The following KCNMB2 variants were observed in gnomAD, a reference collection of about 807,000 sequenced individuals.
KCNMB2 encodes calcium-activated potassium channel subunit beta-2.
Under a neutral mutation model 24.5 loss-of-function variants are expected in KCNMB2, and 9 were observed. That is an observed-to-expected ratio of 0.37 (90% CI 0.22 to 0.64). The LOEUF (loss-of-function observed/expected upper bound fraction) is 0.64. Ranked by LOEUF, KCNMB2 falls within the 30% of genes least tolerant of loss-of-function variation. The pLI, the probability that KCNMB2 is intolerant of heterozygous loss-of-function variation, is 0.63. For synonymous variants in KCNMB2, 109 were observed against 104.4 expected (o/e 1.04, Z -0.27); for missense variants, 226 against 284.3 (o/e 0.79, Z 1.47).
At chr3:178,696,445 C>T (rs745346061) in intron 1 of KCNMB2, among the ~76,000 whole-genome samples, 9 of 152,050 alleles carry the variant, frequency 5.9e-5, no homozygotes, top group East Asian at 1.9e-4. Context: ...TGGTAATATC[C>T]GCCTTGTCAT....
chr3:178,624,099 G>C (rs1442296397), intron 1 of KCNMB2, among the ~76,000 whole-genome samples: 1 of 152,120 alleles, frequency 6.6e-6, no homozygotes, highest in African/African-American at 2.4e-5. Flanking sequence ...GCTAACCCAA[G>C]GCCCCTGATC....
At chr3:178,778,290 G>T (rs111466558) in intron 1 of KCNMB2, among the ~76,000 whole-genome samples, 1 of 152,000 alleles carries the variant, frequency 6.6e-6, no homozygotes, top group Non-Finnish European at 1.5e-5. Context: ...CTACTCAGTC[G>T]AATTCCTACT....
chr3:178,759,669 T>TAC (rs1711630582), intron 1 of KCNMB2, among the ~76,000 whole-genome samples: 1 of 103,792 alleles, frequency 9.6e-6, no homozygotes, highest in African/African-American at 3.4e-5. Flanking sequence ...GAGGGATATA[T>TAC]ATATATATAT....
chr3:178,620,645 C>A (rs1201999392), intron 1 of KCNMB2, among the ~76,000 whole-genome samples: 2 of 152,168 alleles, frequency 1.3e-5, no homozygotes, highest in African/African-American at 4.8e-5. Flanking sequence ...CAGGTTCCCA[C>A]CTCTTCATAC....
intron 1 of KCNMB2, among the ~76,000 whole-genome samples, chr3:178,554,760 C>A (rs1422621654): frequency 2.6e-5 from 4 of 152,204 alleles, no homozygotes; most frequent in Non-Finnish European, 4.4e-5. Context: ...GATAAACAGA[C>A]TGGAAGACAT....
intron 1 of KCNMB2, among the ~76,000 whole-genome samples, chr3:178,701,333 A>G (rs780808867): frequency 8.3e-4 from 126 of 152,308 alleles, no homozygotes; most frequent in Non-Finnish European, 1.4e-3. Flanking sequence ...TTTTGGTACC[A>G]GTACCATGCT....
At chr3:178,728,500 G>C (rs1043112204) in intron 1 of KCNMB2, among the ~76,000 whole-genome samples, 1 of 152,142 alleles carries the variant, frequency 6.6e-6, no homozygotes, top group African/African-American at 2.4e-5. Flanking sequence ...CTATTTCTAA[G>C]AGAAGTTATG....
intron 1 of KCNMB2, among the ~76,000 whole-genome samples, chr3:178,789,959 C>T (rs1713259195): frequency 6.6e-6 from 1 of 151,762 alleles, no homozygotes; most frequent in African/African-American, 2.4e-5. Flanking sequence ...ACCCCTCCCC[C>T]AAACCCAGGC....
At chr3:178,697,637 T>A (rs1461206116) in intron 1 of KCNMB2, among the ~76,000 whole-genome samples, 1 of 152,226 alleles carries the variant, frequency 6.6e-6, no homozygotes, top group African/African-American at 2.4e-5. Flanking sequence ...GTGGATTTGA[T>A]CCTGTCATCA....
chr3:178,759,636 G>A (rs1442129453), intron 1 of KCNMB2, among the ~76,000 whole-genome samples: 2 of 72,898 alleles, frequency 2.7e-5, no homozygotes, highest in African/African-American at 1.1e-4. Context: ...TCTCCAAGAG[G>A]ATATATATAT....
intron 1 of KCNMB2, among the ~76,000 whole-genome samples, chr3:178,694,872 T>C (rs1721817843): frequency 6.6e-6 from 1 of 152,118 alleles, no homozygotes; most frequent in South Asian, 2.1e-4. Context: ...AGATCTACCA[T>C]TCTGGGGTCT....
chr3:178,564,192 C>T (rs150861625), intron 1 of KCNMB2, among the ~76,000 whole-genome samples: 8 of 151,898 alleles, frequency 5.3e-5, no homozygotes, highest in Non-Finnish European at 7.4e-5. Context: ...GCAGGAGAAT[C>T]GCTTCAACCC....
intron 4 of KCNMB2, among the ~76,000 whole-genome samples, chr3:178,831,646 G>C (rs1310078330): frequency 1.2e-4 from 18 of 152,054 alleles, no homozygotes; most frequent in Admixed American, 1.2e-3. Flanking sequence ...ACTAACACAG[G>C]AACAGAAAAC....
intron 1 of KCNMB2, among the ~76,000 whole-genome samples, chr3:178,781,139 A>T (rs920757317): frequency 6.6e-6 from 1 of 152,110 alleles, no homozygotes; most frequent in Non-Finnish European, 1.5e-5. Flanking sequence ...ATATATTATT[A>T]GAATTAATTT....
chr3:178,711,172 C>A (rs574469412), intron 1 of KCNMB2, among the ~76,000 whole-genome samples: 1 of 152,112 alleles, frequency 6.6e-6, no homozygotes, highest in Non-Finnish European at 1.5e-5. Context: ...ATGGCACTTG[C>A]CAATAGTCAG....
At chr3:178,658,065 A>C (rs1720404866) in intron 1 of KCNMB2, among the ~76,000 whole-genome samples, 1 of 152,222 alleles carries the variant, frequency 6.6e-6, no homozygotes, top group South Asian at 2.1e-4. Context: ...ACTTTGATCC[A>C]GTCCTATTTT....
chr3:178,784,319 T>A (rs1305182445), intron 1 of KCNMB2, among the ~76,000 whole-genome samples: 3 of 152,308 alleles, frequency 2.0e-5, no homozygotes, highest in Admixed American at 2.0e-4. Context: ...TTAACTAGCT[T>A]ACCCCGTGTC....
chr3:178,771,142 C>T (rs908595862), intron 1 of KCNMB2, among the ~76,000 whole-genome samples: 18 of 152,150 alleles, frequency 1.2e-4, no homozygotes, highest in Non-Finnish European at 2.9e-5. Flanking sequence ...TGCTCACACA[C>T]TCTACAATCA....
intron 2 of KCNMB2, among the ~76,000 whole-genome samples, chr3:178,814,262 G>C (rs553407042): frequency 6.6e-6 from 1 of 152,002 alleles, no homozygotes; most frequent in South Asian, 2.1e-4. Flanking sequence ...TTTGGTTTTC[G>C]GTTTCTGTGT....
Sources: gnomAD v4.1 joint callset for allele counts (sites outside exome capture counted in the v4.1 genomes callset) on GRCh38, gnomAD v4.1.1 for gene constraint, MANE v1.5 for transcripts, NCBI Gene and HGNC (gene_info 2026-07-23, HGNC 2026-07-21) for gene names.